ASCC3: variants seen among roughly 807,000 people sequenced by gnomAD.
ASCC3 encodes ASC-1 complex subunit P200.
Under a neutral mutation model 256.3 loss-of-function variants are expected in ASCC3, and 158 were observed. That is an observed-to-expected ratio of 0.62 (90% confidence interval 0.54 to 0.70). The LOEUF is 0.70. Ranked by LOEUF, ASCC3 falls within the 30% of genes least tolerant of loss-of-function variation. The pLI, the probability that ASCC3 is intolerant of heterozygous loss-of-function variation, is 0.00. For missense variants in ASCC3, 2,259 were observed against 2,626.0 expected (o/e 0.86, Z 3.05); for synonymous variants, 948 against 883.4 (o/e 1.07, Z -1.30).
chr6:100,632,845 A>T (rs564911003), intron 25 of ASCC3, among the ~76,000 whole-genome samples: 1 of 152,306 alleles, frequency 6.6e-6, no homozygotes, highest in African/African-American at 2.4e-5. Context: ...TAAATATAAG[A>T]TCTAAAACTA....
At chr6:100,671,736 G>A (rs1000718819) in intron 14 of ASCC3, among the ~76,000 whole-genome samples, 2 of 151,862 alleles carry the variant, frequency 1.3e-5, no homozygotes, top group African/African-American at 2.4e-5. Context: ...TTTACATAAC[G>A]TTTTCCTACT....
intron 10 of ASCC3, among the ~76,000 whole-genome samples, chr6:100,759,053 T>C (rs1216293429): frequency 6.6e-6 from 1 of 152,228 alleles, no homozygotes; most frequent in Non-Finnish European, 1.5e-5. Context: ...TTGAGAAGTG[T>C]CTGTTCATAT....
At chr6:100,762,458 G>A (rs1249916260) in intron 10 of ASCC3, among the ~76,000 whole-genome samples, 3 of 152,196 alleles carry the variant, frequency 2.0e-5, no homozygotes, top group Admixed American at 6.5e-5. Context: ...AGAGGGAGAA[G>A]TTTGAAACCA....
chr6:100,704,257 A>G (rs760082436), intron 13 of ASCC3, among the ~76,000 whole-genome samples: 1 of 151,992 alleles, frequency 6.6e-6, no homozygotes, highest in Non-Finnish European at 1.5e-5. Context: ...TTGTGCTCCT[A>G]ATTAAAATGT....
intron 36 of ASCC3, among the ~76,000 whole-genome samples, chr6:100,587,034 T>A (rs1771732239): frequency 6.6e-6 from 1 of 152,200 alleles, no homozygotes. Flanking sequence ...GAATGTTATA[T>A]GAGTGAATTG....
intron 4 of ASCC3, among the ~76,000 whole-genome samples, chr6:100,818,748 CA>C (rs56668191): frequency 0.049 from 2,842 of 57,936 alleles, 8 homozygotes; most frequent in African/African-American, 0.058. Context: ...AGGCAAAAGC[CA>C]AAAAAAAAAA....
intron 36 of ASCC3, among the ~76,000 whole-genome samples, chr6:100,585,894 A>G (rs1771635822): frequency 6.6e-6 from 1 of 152,086 alleles, no homozygotes; most frequent in Non-Finnish European, 1.5e-5. Context: ...GCAGAACAGC[A>G]GTTTTTCGTG....
intron 10 of ASCC3, among the ~76,000 whole-genome samples, chr6:100,751,980 T>C (rs568660219): frequency 6.6e-6 from 1 of 152,242 alleles, no homozygotes; most frequent in East Asian, 1.9e-4. Flanking sequence ...TAGCATCTAT[T>C]GGAGAGATGT....
At chr6:100,658,052 T>C (rs1776002216) in intron 16 of ASCC3, among the ~76,000 whole-genome samples, 1 of 151,510 alleles carries the variant, frequency 6.6e-6, no homozygotes, top group South Asian at 2.1e-4. Flanking sequence ...ATGGATATGG[T>C]AACAAATAGA....
chr6:100,771,113 C>T (rs2115142091), intron 8 of ASCC3, among the ~76,000 whole-genome samples: 1 of 152,132 alleles, frequency 6.6e-6, no homozygotes, highest in East Asian at 1.9e-4. Context: ...ATACAAAATC[C>T]AGAAATAAAT....
chr6:100,570,436 GTTCC>G (rs1215935233), intron 36 of ASCC3, among the ~76,000 whole-genome samples: 1 of 152,082 alleles, frequency 6.6e-6, no homozygotes, highest in Non-Finnish European at 1.5e-5. Context: ...TTTGAGCTAT[GTTCC>G]TTTGATACCT....
At chr6:100,801,320 A>G (rs1180181543) in intron 5 of ASCC3, among the ~76,000 whole-genome samples, 3 of 152,106 alleles carry the variant, frequency 2.0e-5, no homozygotes, top group Admixed American at 6.6e-5. Flanking sequence ...TTGAGGTCCT[A>G]CTCAGTTCTA....
chr6:100,845,537 T>G (rs1056175766), intron 4 of ASCC3, among the ~76,000 whole-genome samples: 1 of 152,130 alleles, frequency 6.6e-6, no homozygotes, highest in Non-Finnish European at 1.5e-5. Context: ...TCTAACATCT[T>G]AATCCAGCAC....
At chr6:100,578,463 T>C (rs1334001158) in intron 36 of ASCC3, among the ~76,000 whole-genome samples, 1 of 152,020 alleles carries the variant, frequency 6.6e-6, no homozygotes, top group Non-Finnish European at 1.5e-5. Flanking sequence ...GTTCCCTTCT[T>C]CGTGTCCATG....
At chr6:100,778,667 ATAACT>A (rs1016024645) in intron 8 of ASCC3, among the ~76,000 whole-genome samples, 26 of 152,174 alleles carry the variant, frequency 1.7e-4, no homozygotes, top group African/African-American at 5.5e-4. Flanking sequence ...GATAGTTAAC[ATAACT>A]TAATAAACAA....
At chr6:100,637,179 C>G (rs1029060602) in intron 25 of ASCC3, among the ~76,000 whole-genome samples, 14 of 152,228 alleles carry the variant, frequency 9.2e-5, no homozygotes, top group East Asian at 1.9e-4. Context: ...CAACTGGTGA[C>G]TTGAAGTTGA....
intron 10 of ASCC3, among the ~76,000 whole-genome samples, chr6:100,739,076 T>C (rs1461703808): frequency 1.3e-5 from 2 of 152,142 alleles, no homozygotes; most frequent in Admixed American, 6.5e-5. Flanking sequence ...TGGCCATGGG[T>C]TTGTCATATA....
At position 100,607,004 on chromosome 6, in the gene ASCC3, G is replaced by A. The variant is rs948071396; in HGVS notation, c.4870C>T (p.His1624Tyr). 3 of 1,613,550 alleles carry A rather than the reference G, an allele frequency of 1.9e-6. No homozygotes were observed. The highest frequency in any genetic ancestry group is 2.5e-6 in the Non-Finnish European group (3 of 1,179,798). Reference sequence around the variant, plus strand: ...TCTACTGTTTTTCGGTCCCTCTCATGTAGTCCAGCATGATGCATTCCTATC... The same window carrying A: ...TCTACTGTTTTTCGGTCCCTCTCATATAGTCCAGCATGATGCATTCCTATC... ...FGIGMHHAGL[H>Y]ERDRKTVEEL... The change falls in exon 31 of 42, where the codon CAT (histidine) becomes TAT (tyrosine). Residue 1624 changes from histidine to tyrosine, a missense_variant. Physicochemically the swap from His to Tyr is moderately conservative, Grantham distance 83. Around this residue, in one of 2 missense-constraint regions of ASCC3, gnomAD observed 1,839 missense variants for 2,206.7 expected, o/e 0.83. Transcript: ENST00000369162.
chr6:100,559,057 T>C (rs1259198455), intron 36 of ASCC3, among the ~76,000 whole-genome samples: 3 of 152,198 alleles, frequency 2.0e-5, no homozygotes, highest in Admixed American at 2.0e-4. Flanking sequence ...TATATCATTA[T>C]GTAAGGTGTG....
Sources: gnomAD v4.1 joint callset for allele counts (sites outside exome capture counted in the v4.1 genomes callset) on GRCh38, gnomAD v4.1.1 for gene constraint, gnomAD v4.1.1 regional missense constraint, MANE v1.5 for transcripts, NCBI Gene and HGNC (gene_info 2026-07-23, HGNC 2026-07-21) for gene names.